Variants in UBQLN4 observed in about 807,000 individuals in gnomAD.
UBQLN4 encodes the protein ubiquilin 4, also known as ubiquilin-4.
UBQLN4 carries 11 observed loss-of-function variants against 60.4 expected under a neutral mutation model. The ratio of observed to expected loss-of-function variants is 0.18; its 90% CI spans 0.11 to 0.30. The LOEUF (loss-of-function observed/expected upper bound fraction) is 0.30. Among genes scored for constraint, UBQLN4 ranks in the 10% least tolerant of loss-of-function variants. UBQLN4 has a pLI of 1.00. For synonymous variants in UBQLN4, 258 were observed against 313.1 expected (o/e 0.82, Z 1.86); for missense variants, 417 against 795.5 (o/e 0.52, Z 5.72).
At chr1:156,053,442 C>A (rs1459752839) in intron 1 of UBQLN4, 152 bp downstream of exon 1, 3 of 502,080 alleles carry the variant, frequency 6.0e-6, no homozygotes, top group Admixed American at 4.6e-5. Context: ...GCGCCCCCTA[C>A]CCGCCTCTCC....
downstream of UBQLN4, among the ~76,000 whole-genome samples, chr1:156,034,825 CTATATATATATATATATA>C (rs34720108): frequency 0.011 from 505 of 46,360 alleles, 40 homozygotes; most frequent in Middle Eastern, 0.025. Flanking sequence ...CCTTAACCTT[CTATATATATATATATATA>C]TATATATATA....
Position 156,041,573 on chromosome 1 carries a change from G to A in UBQLN4, c.1565C>T (p.Ala522Val), listed in dbSNP as rs1572271924. 1.2e-6 allele frequency: 2 copies of A among 1,613,054 alleles called. No homozygotes were observed. The highest frequency in any genetic ancestry group is 1.3e-5 in the African/African-American group (1 of 74,904). The change falls in exon 10 of 11, where the codon GCC (alanine) becomes GTC (valine). Residue 522 changes from alanine (A) to valine (V), a missense_variant. Physicochemically the swap from Ala to Val is moderately conservative, Grantham distance 64. Transcript: ENST00000368309. Reference sequence around the variant, plus strand: ...GGAAGCCCCTGTTGGAGAAGATGTGGCTGGCGTGGCTGGTGAGGAAGTGGG... The same window carrying A: ...GGAAGCCCCTGTTGGAGAAGATGTGACTGGCGTGGCTGGTGAGGAAGTGGG... ...EAPTSSPATP[A>V]TSSPTGASSA... is the part of the protein sequence containing the mutation.
chr1:156,046,798 C>T (rs1010156504), intron 5 of UBQLN4, among the ~76,000 whole-genome samples: 6 of 152,028 alleles, frequency 3.9e-5, no homozygotes, highest in Non-Finnish European at 8.8e-5. Context: ...GCTGAGATCG[C>T]GCCATTGCAC....
downstream of UBQLN4, among the ~76,000 whole-genome samples, chr1:156,034,190 C>T (rs1019199246): frequency 1.3e-5 from 2 of 151,848 alleles, no homozygotes; most frequent in African/African-American, 2.4e-5. Flanking sequence ...AAAAGACTTC[C>T]TCAAACTTAC....
intron 10 of UBQLN4, among the ~76,000 whole-genome samples, chr1:156,039,917 A>T (rs1406208412): frequency 1.6e-5 from 2 of 125,392 alleles, no homozygotes; most frequent in Non-Finnish European, 3.2e-5. Context: ...AGCCTGGGCG[A>T]CAGAGCGAGA....
rs1442718672 is a variant in UBQLN4, at chr1:156,050,738, G to GT, written c.479-186dup. On this transcript the variant is annotated intron_variant, in intron 3 of 10. Transcript: ENST00000368309. This position sits in a 1 kb window ranked among gnomAD's most constrained non-coding sequence, Gnocchi z 4.6. Reference sequence around the variant, plus strand: ...AATGTGAGCCTACTAGACTGAGGCTGTGCCAAACATAGAACTGAGCAGAGA... The same window carrying GT: ...AATGTGAGCCTACTAGACTGAGGCTGTTGCCAAACATAGAACTGAGCAGAGA... Among the ~76,000 whole-genome samples the GT allele has an allele frequency of 6.6e-6, 1 of 152,224 alleles. No homozygotes were observed. Among genetic ancestry groups the GT allele is most frequent in the Non-Finnish European group, 1.5e-5 (1 of 68,048 alleles).
At chr1:156,035,010 A>G (rs1683368260), downstream of UBQLN4, among the ~76,000 whole-genome samples, 1 of 150,954 alleles carries the variant, frequency 6.6e-6, no homozygotes, top group African/African-American at 2.4e-5. Flanking sequence ...CTGGGACTAC[A>G]GGCCCACACC....
chr1:156,040,289 G>A (rs1481459576), intron 10 of UBQLN4, among the ~76,000 whole-genome samples: 2 of 151,716 alleles, frequency 1.3e-5, no homozygotes, highest in Non-Finnish European at 2.9e-5. Flanking sequence ...CCAGCTACTC[G>A]GGAGGTTGAG....
At chr1:156,051,939 T>G in intron 1 of UBQLN4, 82 bp from the exon 2 acceptor site, 1 of 1,548,426 alleles carries the variant, frequency 6.5e-7, no homozygotes, top group Non-Finnish European at 8.8e-7. Context: ...CAACACCTTC[T>G]GCACTCTCTT....
chr1:156,040,811 C>G (rs1357124148), intron 10 of UBQLN4, among the ~76,000 whole-genome samples: 1 of 152,196 alleles, frequency 6.6e-6, no homozygotes, highest in South Asian at 2.1e-4. Flanking sequence ...TTAGCTCTCT[C>G]GTGCCTTGCA....
chr1:156,051,749 T>C lies in UBQLN4; in HGVS notation c.217A>G (p.Lys73Glu). Reference protein sequence around the residue: ...DGDTLNQHGIKDGLTVHLVIK... With the variant: ...DGDTLNQHGIEDGLTVHLVIK... ...ACCAGATGGACAGTGAGCCCGTCCT[T>C]GATTCCGTGCTGGTTCAGTGTGTCC... Residue 73 changes from lysine to glutamate, a missense_variant, in exon 2 of 11, where the codon AAG becomes GAG. Physicochemically the swap from Lys to Glu is moderately conservative, Grantham distance 56 (BLOSUM62 1). Coordinates refer to ENST00000368309, the MANE Select transcript of UBQLN4 (RefSeq NM_020131.5). 1 of 1,614,120 alleles carries C rather than the reference T, an allele frequency of 6.2e-7. No homozygotes were observed. Among genetic ancestry groups the C allele is most frequent in the Non-Finnish European group, 8.5e-7 (1 of 1,180,016 alleles).
At chr1:156,042,968 G>C in intron 6 of UBQLN4, 55 bp from the exon 7 acceptor site, 1 of 1,583,246 alleles carries the variant, frequency 6.3e-7, no homozygotes, top group South Asian at 1.1e-5. Context: ...GATGGAAACC[G>C]AAGGCCTCAC....
downstream of UBQLN4, chr1:156,035,267 C>T (rs1352261149): frequency 1.0e-6 from 1 of 985,364 alleles, no homozygotes; most frequent in Non-Finnish European, 1.2e-6. Flanking sequence ...TTTCAGCCAG[C>T]TTCTTCCTCA....
chr1:156,051,768 T>C lies in UBQLN4; in HGVS notation c.198A>G (p.Thr66=), dbSNP rs947998857. 8.1e-6 allele frequency: 13 copies of C among 1,614,142 alleles called. No homozygotes were observed. In the East Asian group the frequency reaches 2.5e-4, roughly 30 times the overall value. ...CGTCCTTGATTCCGTGCTGGTTCAGTGTGTCCCCATCCTTGAGGATCTTGC... is the reference window on the plus strand; with the variant it reads ...CGTCCTTGATTCCGTGCTGGTTCAGCGTGTCCCCATCCTTGAGGATCTTGC... ...FAGKILKDGD[T]LNQHGIKDGL... The change falls in exon 2 of 11, where the codon ACA becomes ACG. Residue 66 remains threonine (T), a synonymous_variant. Transcript: ENST00000368309.
chr1:156,040,905 G>A (rs1238386130), intron 10 of UBQLN4, among the ~76,000 whole-genome samples: 2 of 152,178 alleles, frequency 1.3e-5, no homozygotes, highest in Non-Finnish European at 2.9e-5. Flanking sequence ...AGGCTCACTC[G>A]AGGTAGGTCA....
At chr1:156,032,067 GT>G (rs371900028), downstream of UBQLN4, among the ~76,000 whole-genome samples, 51 of 147,432 alleles carry the variant, frequency 3.5e-4, no homozygotes, top group African/African-American at 1.1e-3. Flanking sequence ...TCCAAAATGA[GT>G]TTTTTTTTTG....
Position 156,035,481 on chromosome 1 carries a change from C to T in UBQLN4, c.*1497G>A, listed in dbSNP as rs1683376644. 1 of 985,204 alleles carries T rather than the reference C, an allele frequency of 1.0e-6. No homozygotes were observed. Among genetic ancestry groups the T allele is most frequent in the Middle Eastern group, 5.2e-4 (1 of 1,914 alleles). The allele number at this position is 985,204 out of a possible 1,614,324, so 61.0% of individuals were successfully genotyped here. A position where few individuals can be genotyped will look rare whatever the true frequency, so the allele number is the denominator to read the frequency against. ...GGGGTCGGTCCTCCAAGCAGCTGGG[C>T]CAAGTAGGAGAGGGAAGAGGTGATA... On this transcript the variant is annotated 3_prime_UTR_variant, in exon 11 of 11. Coordinates refer to ENST00000368309, the MANE Select transcript of UBQLN4 (RefSeq NM_020131.5).
chr1:156,051,923 CTT>C, intron 1 of UBQLN4, 66 bp from the exon 2 acceptor site: 1 of 1,595,048 alleles, frequency 6.3e-7, no homozygotes, highest in East Asian at 2.2e-5. Context: ...GACCCTGACT[CTT>C]TTTCAACACC....
Position 156,051,150 on chromosome 1 carries a change from C to T in UBQLN4, c.438G>A (p.Gly146=), listed in dbSNP as rs768065067. Residue 146 remains glycine, a synonymous_variant, in exon 3 of 11, where the codon GGG becomes GGA. Coordinates refer to ENST00000368309, the MANE Select transcript of UBQLN4 (RefSeq NM_020131.5). The part of the protein sequence containing the change: ...RRSSGGGPSP[G]AGEGSPSATA... ...TAGCACTGGGGGATCCCTCCCCAGC[C>T]CCCGGAGAGGGCCCCCCACCACTGC... 1 of 1,612,646 alleles carries T rather than the reference C, an allele frequency of 6.2e-7. No homozygotes were observed.
Sources: gnomAD v4.1 joint callset for allele counts (sites outside exome capture counted in the v4.1 genomes callset) on GRCh38, gnomAD v4.1.1 for gene constraint, Gnocchi (gnomAD v3.1) non-coding constraint, MANE v1.5 for transcripts, NCBI Gene and HGNC (gene_info 2026-07-23, HGNC 2026-07-21) for gene names.